TFCP2: variants seen among roughly 807,000 people sequenced by gnomAD.
TFCP2 encodes alpha-globin transcription factor CP2.
In TFCP2, 33 loss-of-function variants were observed where a neutral mutation model predicts 73.4. The observed-to-expected ratio is 0.45, with a 90% confidence interval of 0.34 to 0.60. The LOEUF is 0.60. Ranked by LOEUF, TFCP2 falls within the 20% of genes least tolerant of loss-of-function variation. TFCP2 has a pLI of 0.01. For missense variants in TFCP2, 352 were observed against 604.0 expected (o/e 0.58, Z 4.37); for synonymous variants, 193 against 211.6 (o/e 0.91, Z 0.76).
At chr12:51,160,673 A>T (rs1382097974) in intron 1 of TFCP2, among the ~76,000 whole-genome samples, 2 of 152,206 alleles carry the variant, frequency 1.3e-5, no homozygotes, top group Non-Finnish European at 1.5e-5. Flanking sequence ...TATCTTCACC[A>T]AAGTAACTAT....
intron 1 of TFCP2, chr12:51,162,789 C>T (rs1183189965): frequency 6.6e-6 from 1 of 152,176 alleles, no homozygotes; most frequent in Non-Finnish European, 1.5e-5. Flanking sequence ...GTTTTTACTA[C>T]ATCCCATGAG....
At chr12:51,098,971 AG>A in intron 12 of TFCP2, 53 bp from the exon 13 acceptor site, 1 of 1,585,900 alleles carries the variant, frequency 6.3e-7, no homozygotes, top group Non-Finnish European at 8.6e-7. Context: ...CCACTCTTAC[AG>A]GTAACTTGAT....
intron 1 of TFCP2, among the ~76,000 whole-genome samples, chr12:51,155,308 T>C (rs182655110): frequency 3.9e-5 from 6 of 152,322 alleles, no homozygotes; most frequent in Non-Finnish European, 8.8e-5. Flanking sequence ...AGATGGCCTA[T>C]CACAGCCTTC....
chr12:51,142,637 C>T (rs1207650583), intron 1 of TFCP2, among the ~76,000 whole-genome samples: 1 of 152,228 alleles, frequency 6.6e-6, no homozygotes, highest in Non-Finnish European at 1.5e-5. Flanking sequence ...CATGTACCAT[C>T]AATCTTCCTC....
At chr12:51,097,033 G>A (rs1392871637) in intron 13 of TFCP2, among the ~76,000 whole-genome samples, 1 of 150,770 alleles carries the variant, frequency 6.6e-6, no homozygotes, top group East Asian at 1.9e-4. Context: ...CCCCCATCTC[G>A]GCTCACGCAA....
intron 1 of TFCP2, among the ~76,000 whole-genome samples, chr12:51,136,285 C>A (rs189424046): frequency 1.8e-3 from 238 of 134,784 alleles, no homozygotes; most frequent in African/African-American, 6.4e-3. Context: ...CTCCAGCCAA[C>A]AGTGTGAGAC....
At chr12:51,164,670 AAAAT>A (rs978546768) in intron 1 of TFCP2, among the ~76,000 whole-genome samples, 2 of 152,070 alleles carry the variant, frequency 1.3e-5, no homozygotes, top group Non-Finnish European at 2.9e-5. Flanking sequence ...AGATGAAATG[AAAAT>A]AAATAAAATC....
chr12:51,168,275 AC>A (rs1280757393), intron 1 of TFCP2, among the ~76,000 whole-genome samples: 3 of 151,726 alleles, frequency 2.0e-5, no homozygotes, highest in South Asian at 2.1e-4. Flanking sequence ...TCATGACTGT[AC>A]CCCCAGGTGC....
At chr12:51,100,824 C>A (rs1940093661) in intron 11 of TFCP2, among the ~76,000 whole-genome samples, 1 of 152,076 alleles carries the variant, frequency 6.6e-6, no homozygotes, top group Non-Finnish European at 1.5e-5. Context: ...AAGAAAAAAA[C>A]CCCAAAACAA....
At chr12:51,126,119 G>C (rs183625032) in intron 1 of TFCP2, among the ~76,000 whole-genome samples, 152 of 151,572 alleles carry the variant, frequency 1.0e-3, no homozygotes, top group African/African-American at 3.4e-3. Context: ...TGTAGTCCCA[G>C]CTACTTGGGA....
At chr12:51,098,638 T>A (rs1256538335) in intron 13 of TFCP2, 138 bp downstream of exon 13, 44 of 938,878 alleles carry the variant, frequency 4.7e-5, no homozygotes, top group Admixed American at 1.9e-4. Context: ...AAAAAAAAAA[T>A]TAGGAGGAAA....
At chr12:51,116,111 C>T (rs1198023156) in intron 4 of TFCP2, among the ~76,000 whole-genome samples, 1 of 152,188 alleles carries the variant, frequency 6.6e-6, no homozygotes, top group African/African-American at 2.4e-5. Context: ...TGCTATGGAA[C>T]TAAAGTGTTT....
At chr12:51,100,633 C>T (rs190220499) in intron 11 of TFCP2, among the ~76,000 whole-genome samples, 311 of 152,096 alleles carry the variant, frequency 2.0e-3, no homozygotes, top group Admixed American at 5.4e-3. Flanking sequence ...CAGGGGAACA[C>T]GGCAAAACCC....
At chr12:51,113,821 A>G (rs779510999) in intron 4 of TFCP2, among the ~76,000 whole-genome samples, 9 of 152,208 alleles carry the variant, frequency 5.9e-5, no homozygotes, top group Admixed American at 3.3e-4. Context: ...TCTTTTCAAC[A>G]AACGGTGTGG....
intron 1 of TFCP2, among the ~76,000 whole-genome samples, chr12:51,151,878 T>C (rs1252109001): frequency 6.6e-6 from 1 of 152,132 alleles, no homozygotes; most frequent in African/African-American, 2.4e-5. Context: ...TGAGTCTACA[T>C]TGATAAAAAA....
chr12:51,120,929 A>AAAAAAAAAAAAAAG (rs398019544), intron 1 of TFCP2, among the ~76,000 whole-genome samples: 1 of 149,964 alleles, frequency 6.7e-6, no homozygotes. Context: ...AAAAAAAAAA[A>AAAAAAAAAAAAAAG]GGTAAAAAGA....
At chr12:51,136,158 T>G (rs764538604) in intron 1 of TFCP2, among the ~76,000 whole-genome samples, 1 of 151,336 alleles carries the variant, frequency 6.6e-6, no homozygotes, top group Non-Finnish European at 1.5e-5. Context: ...TACAAAAAAA[T>G]TTTAGCCAGG....
At chr12:51,147,474 C>T (rs1342495936) in intron 1 of TFCP2, among the ~76,000 whole-genome samples, 1 of 150,868 alleles carries the variant, frequency 6.6e-6, no homozygotes, top group African/African-American at 2.4e-5. Flanking sequence ...CTATCAGCAA[C>T]AAATGGAAAC....
chr12:51,160,425 G>A (rs1033630281), intron 1 of TFCP2, among the ~76,000 whole-genome samples: 8 of 151,608 alleles, frequency 5.3e-5, no homozygotes, highest in Non-Finnish European at 7.4e-5. Flanking sequence ...GTGAGCCACC[G>A]CGCCCAGCTG....
Sources: allele counts gnomAD v4.1 joint callset (sites outside exome capture counted in the v4.1 genomes callset), GRCh38; gene constraint gnomAD v4.1.1; transcripts MANE v1.5; gene names NCBI Gene and HGNC (gene_info 2026-07-23, HGNC 2026-07-21).